ZSCAN5A: variants seen among roughly 807,000 people sequenced by gnomAD.
The protein encoded by ZSCAN5A is zinc finger and SCAN domain containing 5A, also known as zinc finger and SCAN domain-containing protein 5A.
In ZSCAN5A, 12 loss-of-function variants were observed where a neutral mutation model predicts 23.7. The observed-to-expected ratio is 0.51, with a 90% CI of 0.32 to 0.82. ZSCAN5A has a LOEUF of 0.82. Ranked by LOEUF, ZSCAN5A falls within the 40% of genes least tolerant of loss-of-function variation. ZSCAN5A has a pLI of 0.03. For missense variants in ZSCAN5A, 597 were observed against 617.9 expected, an observed-to-expected ratio of 0.97 and a Z score of 0.36; for synonymous variants, 257 against 239.9, an observed-to-expected ratio of 1.07 and a Z score of -0.66.
At chr19:56,350,181 T>C (rs145696857) in intron 2 of ZSCAN5A, among the ~76,000 whole-genome samples, 2,581 of 152,364 alleles carry the variant, frequency 0.017, 42 homozygotes, top group South Asian at 0.068. Context: ...GTTTTGCTTA[T>C]AGCAGGACTA....
At chr19:56,321,439 A>G (rs997072854) in intron 2 of ZSCAN5A, 3 of 674,050 alleles carry the variant, frequency 4.5e-6, no homozygotes, top group Non-Finnish European at 8.2e-6. Flanking sequence ...GAAATGTCCA[A>G]CGGCATTGAT....
intron 2 of ZSCAN5A, among the ~76,000 whole-genome samples, chr19:56,260,774 G>C (rs1173303233): frequency 6.6e-6 from 1 of 152,160 alleles, no homozygotes; most frequent in Non-Finnish European, 1.5e-5. Context: ...GTACTTTCTT[G>C]AGAGAAGCTT....
intron 2 of ZSCAN5A, among the ~76,000 whole-genome samples, chr19:56,262,921 A>C (rs1469954486): frequency 6.6e-6 from 1 of 152,214 alleles, no homozygotes; most frequent in Non-Finnish European, 1.5e-5. Context: ...ATTATGCTGT[A>C]AGTCGTTTTG....
chr19:56,304,594 G>A (rs6509990), intron 2 of ZSCAN5A, among the ~76,000 whole-genome samples: 24,413 of 152,086 alleles, frequency 0.16, 2,980 homozygotes, highest in African/African-American at 0.33. Flanking sequence ...TGGAAGATGG[G>A]GAAGAAGGTG....
At chr19:56,227,746 C>G (rs1450321276) in intron 2 of ZSCAN5A, among the ~76,000 whole-genome samples, 2 of 152,154 alleles carry the variant, frequency 1.3e-5, no homozygotes, top group Non-Finnish European at 2.9e-5. Context: ...AAGGGAAAAT[C>G]CAGCAATGCT....
intron 2 of ZSCAN5A, among the ~76,000 whole-genome samples, chr19:56,264,648 C>T (rs932302034): frequency 1.3e-5 from 2 of 152,214 alleles, no homozygotes; most frequent in Non-Finnish European, 2.9e-5. Context: ...TCTATTGGAA[C>T]ATAGCTAGCT....
intron 2 of ZSCAN5A, among the ~76,000 whole-genome samples, chr19:56,350,665 A>G (rs2041662007): frequency 2.0e-5 from 3 of 152,148 alleles, no homozygotes; most frequent in Non-Finnish European, 1.5e-5. Context: ...GCAAGCCAGT[A>G]TTGCAATCCA....
At chr19:56,343,469 C>A (rs530771548) in intron 2 of ZSCAN5A, 7 of 459,298 alleles carry the variant, frequency 1.5e-5, no homozygotes, top group African/African-American at 8.1e-5. Flanking sequence ...CCAAGGGCTA[C>A]CAAGAAGCTT....
At chr19:56,260,062 C>CGG (rs2037008983) in intron 2 of ZSCAN5A, among the ~76,000 whole-genome samples, 1 of 152,158 alleles carries the variant, frequency 6.6e-6, no homozygotes, top group Non-Finnish European at 1.5e-5. Flanking sequence ...GAAACAATAT[C>CGG]GGCAAGGAGA....
chr19:56,303,107 G>A (rs76841971), intron 2 of ZSCAN5A: 5,025 of 382,088 alleles, frequency 0.013, 145 homozygotes, highest in African/African-American at 0.077. Context: ...AGCCAATTGA[G>A]GAGGGGAAGC....
At chr19:56,227,875 G>A (rs368733294) in intron 2 of ZSCAN5A, among the ~76,000 whole-genome samples, 1 of 151,868 alleles carries the variant, frequency 6.6e-6, no homozygotes, top group Admixed American at 6.6e-5. Flanking sequence ...GCAATATACC[G>A]AGACCCCATC....
At chr19:56,245,318 G>A (rs753497716) in intron 2 of ZSCAN5A, 58 of 745,418 alleles carry the variant, frequency 7.8e-5, no homozygotes, top group Middle Eastern at 2.3e-4. Context: ...TCCGAGAGGC[G>A]TGTCCAGCCA....
At chr19:56,366,550 A>G (rs546714562) in intron 1 of ZSCAN5A, among the ~76,000 whole-genome samples, 1 of 152,298 alleles carries the variant, frequency 6.6e-6, no homozygotes, top group African/African-American at 2.4e-5. Flanking sequence ...AACCCAACTC[A>G]GTGTAACTGG....
rs116175097 is a variant in ZSCAN5A, at chr19:56,329,123, T to C, written c.-357-12855A>G. On this transcript the variant is annotated intron_variant, in intron 2 of 6. Transcript: ENST00000587340. ...CAGCATTTAGGGAGGCCAAGGTGGA[T>C]GGATCAGTTGAGGCCAGAAGTATGA... Among the ~76,000 whole-genome samples the C allele has an allele frequency of 4.9e-3, 740 of 152,154 alleles. 6 individuals are homozygous for C. The highest frequency in any genetic ancestry group is 0.017 in the African/African-American group (697 of 41,498).
At chr19:56,300,698 A>G (rs879429470) in intron 2 of ZSCAN5A, among the ~76,000 whole-genome samples, 2 of 152,236 alleles carry the variant, frequency 1.3e-5, no homozygotes, top group African/African-American at 2.4e-5. Context: ...TGAATTTTCA[A>G]CAGGGAGAAT....
intron 2 of ZSCAN5A, chr19:56,338,701 G>T (rs2041564375): frequency 6.6e-6 from 1 of 152,294 alleles, no homozygotes; most frequent in Admixed American, 6.5e-5. Context: ...TTTCCAACTA[G>T]ATTCCAGAGA....
chr19:56,298,567 C>G (rs2040028900), intron 2 of ZSCAN5A, among the ~76,000 whole-genome samples: 1 of 151,380 alleles, frequency 6.6e-6, no homozygotes, highest in African/African-American at 2.4e-5. Flanking sequence ...GCAGGAGAAT[C>G]ACTTGAACCT....
intron 1 of ZSCAN5A, chr19:56,314,332 G>C (rs1010117865): frequency 1.3e-5 from 2 of 152,328 alleles, no homozygotes; most frequent in Admixed American, 6.5e-5. Flanking sequence ...GGCGACAGGC[G>C]TGAAAGGAAG....
chr19:56,243,838 C>G (rs923726420), intron 2 of ZSCAN5A, among the ~76,000 whole-genome samples: 1 of 149,826 alleles, frequency 6.7e-6, no homozygotes, highest in Non-Finnish European at 1.5e-5. Flanking sequence ...GAAGAAGTGG[C>G]GTCCAGGATT....
Sources: gnomAD v4.1 joint callset for allele counts (sites outside exome capture counted in the v4.1 genomes callset) on GRCh38, gnomAD v4.1.1 for gene constraint, MANE v1.5 for transcripts, NCBI Gene and HGNC (gene_info 2026-07-23, HGNC 2026-07-21) for gene names.